UHMK1: variants seen among roughly 807,000 people sequenced by gnomAD.
UHMK1 encodes the protein serine/threonine-protein kinase Kist.
UHMK1 carries 18 observed loss-of-function variants against 44.0 expected under a neutral mutation model. The observed-to-expected ratio is 0.41, with a 90% CI of 0.28 to 0.61. The LOEUF is 0.61. Ranked by LOEUF, UHMK1 falls within the 20% of genes least tolerant of loss-of-function variation. The pLI is 0.31. For missense variants in UHMK1, 463 were observed against 522.5 expected (o/e 0.89, Z 1.11); for synonymous variants, 231 against 198.5 (o/e 1.16, Z -1.38).
intron 2 of UHMK1, 90 bp from the exon 3 acceptor site, chr1:162,500,823 C>T: frequency 1.6e-6 from 2 of 1,289,750 alleles, no homozygotes; most frequent in Non-Finnish European, 2.1e-6. Context: ...AGTGGGTTTA[C>T]TGCACTCTTA....
intron 6 of UHMK1, among the ~76,000 whole-genome samples, chr1:162,517,332 G>A (rs1423429233): frequency 6.6e-6 from 1 of 152,004 alleles, no homozygotes; most frequent in East Asian, 1.9e-4. Context: ...ATACACAAAT[G>A]AAATGAGATA....
rs1229785478 is a variant in UHMK1, at chr1:162,526,913, T to G, written c.*4363T>G. Reference sequence around the variant, plus strand: ...ATTTCTTGTCAATTATGGTCACATATAGACAAGTACTTGGTCACAATTAGC... The same window carrying G: ...ATTTCTTGTCAATTATGGTCACATAGAGACAAGTACTTGGTCACAATTAGC... On this transcript the variant is annotated 3_prime_UTR_variant, in exon 8 of 8. Coordinates refer to ENST00000489294, the MANE Select transcript of UHMK1 (RefSeq NM_175866.5). 2 of 152,154 alleles carry G rather than the reference T, an allele frequency of 1.3e-5. No homozygotes were observed. Among genetic ancestry groups the G allele is most frequent in the Non-Finnish European group, 2.9e-5 (2 of 67,984 alleles). The allele number at this position is 152,154 out of a possible 1,614,324, so 9.4% of individuals were successfully genotyped here.
rs2101679528 is a variant in UHMK1, at chr1:162,512,768, A to G, written c.969A>G (p.Leu323=). ...EDLVMLPTPV[L]RLLNVLDDDY... Reference sequence around the variant, plus strand: ...TGGTCATGCTTCCCACTCCAGTGCTAAGACTGCTGAATGTGCTGGATGATG... The same window carrying G: ...TGGTCATGCTTCCCACTCCAGTGCTGAGACTGCTGAATGTGCTGGATGATG... The change falls in exon 6 of 8, where the codon CTA becomes CTG. Residue 323 remains leucine, a synonymous_variant. Coordinates refer to ENST00000489294, the MANE Select transcript of UHMK1 (RefSeq NM_175866.5). 2 of 1,614,130 alleles carry G rather than the reference A, an allele frequency of 1.2e-6. No individual in the cohort carries two copies. Among genetic ancestry groups the G allele is most frequent in the Non-Finnish European group, 1.7e-6 (2 of 1,180,004 alleles).
upstream of UHMK1, chr1:162,497,368 G>T: frequency 1.5e-6 from 1 of 675,452 alleles, no homozygotes; most frequent in Non-Finnish European, 2.7e-6. Context: ...TGGCCTGGGA[G>T]AAAGTCCATT....
intron 6 of UHMK1, among the ~76,000 whole-genome samples, chr1:162,513,541 A>G (rs769915262): frequency 6.6e-6 from 1 of 152,240 alleles, no homozygotes; most frequent in South Asian, 2.1e-4. Context: ...AGGGTACTAT[A>G]CAATGGCAGA....
intron 3 of UHMK1, 57 bp downstream of exon 3, chr1:162,501,161 ATTTATGATGAT>A: frequency 1.3e-6 from 2 of 1,487,374 alleles, no homozygotes; most frequent in Non-Finnish European, 9.1e-7. Context: ...AGAGTATTCA[ATTTATGATGAT>A]TTTTTTTTTT....
intron 6 of UHMK1, among the ~76,000 whole-genome samples, chr1:162,515,617 A>G (rs1651807235): frequency 6.6e-6 from 1 of 152,204 alleles, no homozygotes; most frequent in Non-Finnish European, 1.5e-5. Context: ...CGAAGGTACA[A>G]TGGCTCTGAA....
intron 2 of UHMK1, chr1:162,500,686 C>G: frequency 2.0e-6 from 1 of 509,906 alleles, no homozygotes; most frequent in Non-Finnish European, 3.5e-6. Flanking sequence ...AGGTAAGAGA[C>G]AATCCAAAGA....
chr1:162,501,563 C>T (rs1340132424), intron 3 of UHMK1, among the ~76,000 whole-genome samples: 4 of 152,164 alleles, frequency 2.6e-5, no homozygotes, highest in African/African-American at 9.7e-5. Flanking sequence ...CTACCAACTC[C>T]TATGGCTATC....
intron 6 of UHMK1, 66 bp from the exon 7 acceptor site, chr1:162,518,036 A>G: frequency 1.7e-6 from 2 of 1,187,180 alleles, no homozygotes; most frequent in Admixed American, 3.8e-5. Context: ...ATGATTAAAA[A>G]ATTTAAAATG....
intron 4 of UHMK1, among the ~76,000 whole-genome samples, 171 bp downstream of exon 4, chr1:162,504,019 G>A (rs1398259668): frequency 1.3e-5 from 2 of 152,214 alleles, no homozygotes; most frequent in African/African-American, 4.8e-5. Flanking sequence ...CATAGTATCA[G>A]ATGTTAAGCT....
intron 4 of UHMK1, among the ~76,000 whole-genome samples, chr1:162,508,985 A>G (rs1223757215): frequency 1.3e-5 from 2 of 152,022 alleles, no homozygotes; most frequent in Non-Finnish European, 2.9e-5. Flanking sequence ...AAGTCACACT[A>G]TGATGCCCAG....
rs1002748923 is a variant in UHMK1, at chr1:162,524,357, C to T, written c.*1807C>T. 1 of 152,220 alleles carries T rather than the reference C, an allele frequency of 6.6e-6. No homozygotes were observed. Among genetic ancestry groups the T allele is most frequent in the African/African-American group, 2.4e-5 (1 of 41,466 alleles). 9.4% of individuals were successfully genotyped at this position (152,220 alleles called of 1,614,324 possible). On this transcript the variant is annotated 3_prime_UTR_variant, in exon 8 of 8. Coordinates refer to ENST00000489294, the MANE Select transcript of UHMK1 (RefSeq NM_175866.5). ...GCTGATTTATGAATTACCAAAGGGT[C>T]TTGTGGCATGTTCCCCAATACATGC...
At chr1:162,514,455 A>G (rs2101680832) in intron 6 of UHMK1, among the ~76,000 whole-genome samples, 1 of 152,320 alleles carries the variant, frequency 6.6e-6, no homozygotes, top group African/African-American at 2.4e-5. Flanking sequence ...AATAATGTAT[A>G]AACATTTCCT....
intron 7 of UHMK1, among the ~76,000 whole-genome samples, chr1:162,520,080 A>T (rs1464218922): frequency 1.3e-5 from 2 of 152,096 alleles, no homozygotes; most frequent in Non-Finnish European, 2.9e-5. Flanking sequence ...TTTTGTAGAA[A>T]CGAGGTTTTG....
At chr1:162,500,818 G>T (rs1557939246) in intron 2 of UHMK1, 95 bp from the exon 3 acceptor site, 1 of 1,229,436 alleles carries the variant, frequency 8.1e-7, no homozygotes, top group South Asian at 1.6e-5. Context: ...TTGGCAGTGG[G>T]TTTACTGCAC....
Position 162,500,160 on chromosome 1 carries a change from C to T in UHMK1, c.474C>T (p.Asp158=), listed in dbSNP as rs776178953. The change falls in exon 2 of 8, where the codon GAC becomes GAT. Residue 158 remains aspartate (D), a synonymous_variant. Transcript: ENST00000489294. The part of the protein sequence containing the change: ...FLHHEGYVHA[D]LKPRNILWSA... ...ATCATGAGGGCTATGTCCATGCGGA[C>T]CTCAAACCACGTAACATATTGTGGA... 6.2e-7 allele frequency: 1 copy of T among 1,614,034 alleles called. No individual in the cohort carries two copies. The highest frequency in any genetic ancestry group is 1.7e-5 in the Admixed American group (1 of 59,998).
intron 6 of UHMK1, among the ~76,000 whole-genome samples, chr1:162,517,358 T>C (rs1028131810): frequency 2.0e-5 from 3 of 152,250 alleles, no homozygotes; most frequent in Non-Finnish European, 2.9e-5. Context: ...AGGGGGGTTA[T>C]CTATTGCAGT....
rs1257273599 is a variant in UHMK1 at position 162,500,390 on chromosome 1, C to G, written c.561+143C>G. 2.0e-5 allele frequency: 21 copies of G among 1,031,686 alleles called. No individual in the cohort carries two copies. The East Asian group carries it at 4.5e-4, about 22-fold the overall frequency. The allele number at this position is 1,031,686 out of a possible 1,614,324, so 63.9% of individuals were successfully genotyped here. A position where few individuals can be genotyped will look rare whatever the true frequency, so the allele number is the denominator to read the frequency against. On this transcript the variant is annotated intron_variant, in intron 2 of 7. Transcript: ENST00000489294. ...TGAAATGCCAGGGGATGCAGTAAAT[C>G]AAAAGAATTTCAGTGCCACCGTGTA... is the stretch of plus-strand genomic sequence containing the variant.
Sources: gnomAD v4.1 joint callset for allele counts (sites outside exome capture counted in the v4.1 genomes callset) on GRCh38, gnomAD v4.1.1 for gene constraint, MANE v1.5 for transcripts, NCBI Gene and HGNC (gene_info 2026-07-23, HGNC 2026-07-21) for gene names.